ACSM1: variants seen among roughly 807,000 people sequenced by gnomAD.
The protein encoded by ACSM1 is acyl-coenzyme A synthetase ACSM1, mitochondrial.
ACSM1 carries 79 observed loss-of-function variants against 75.8 expected under a neutral mutation model. That is an observed-to-expected ratio of 1.04 (90% CI 0.87 to 1.26). The LOEUF (loss-of-function observed/expected upper bound fraction) is 1.26, where lower values mean the gene tolerates loss of function less well. Ranked by LOEUF, ACSM1 falls within the 50% of genes most tolerant of loss-of-function variation. ACSM1 has a pLI of 0.00. For synonymous variants in ACSM1, 279 were observed against 265.8 expected (o/e 1.05, Z -0.48); for missense variants, 676 against 720.1 (o/e 0.94, Z 0.70).
intron 5 of ACSM1, among the ~76,000 whole-genome samples, chr16:20,671,283 TA>T (rs1323683451): frequency 6.6e-6 from 1 of 152,134 alleles, no homozygotes; most frequent in Non-Finnish European, 1.5e-5. Context: ...GATGCTCTGG[TA>T]AAACCTAAAT....
chr16:20,673,207 C>G (rs1050425769), intron 4 of ACSM1, among the ~76,000 whole-genome samples: 3 of 151,534 alleles, frequency 2.0e-5, no homozygotes, highest in African/African-American at 7.3e-5. Context: ...CCCTCAGTCT[C>G]TCTTGTTTCT....
chr16:20,689,973 T>C (rs1165383199), intron 2 of ACSM1, among the ~76,000 whole-genome samples: 1 of 152,184 alleles, frequency 6.6e-6, no homozygotes, highest in African/African-American at 2.4e-5. Context: ...ATTAAGGAAA[T>C]AGAGACAATA....
At chr16:20,675,339 G>T (rs935331174) in intron 4 of ACSM1, among the ~76,000 whole-genome samples, 2 of 152,164 alleles carry the variant, frequency 1.3e-5, no homozygotes, top group Admixed American at 6.5e-5. Context: ...ATCCCTTAGC[G>T]CAGGCTGTGT....
rs530318703 is a variant in ACSM1 at position 20,650,612 on chromosome 16, A to C, written c.993-10028T>G. Among the ~76,000 whole-genome samples, 19 of 151,914 alleles carry C rather than the reference A, an allele frequency of 1.3e-4. No individual in the cohort carries two copies. In the East Asian group the frequency reaches 3.5e-3, roughly 28 times the overall value. ...CGGTGGAGTCCTGCCCACAAGCAGC[A>C]TGCACTGATCCACCACACAAAAGCC... On this transcript the variant is annotated intron_variant, in intron 7 of 13. Transcript: ENST00000520010.
At chr16:20,637,119 C>G (rs575019941) in intron 9 of ACSM1, 2 of 759,366 alleles carry the variant, frequency 2.6e-6, no homozygotes, top group African/African-American at 3.4e-5. Context: ...AGAGAGGGCT[C>G]CCAGTGCAGC....
At chr16:20,644,956 C>T (rs1392830713) in intron 7 of ACSM1, among the ~76,000 whole-genome samples, 1 of 152,178 alleles carries the variant, frequency 6.6e-6, no homozygotes, top group Admixed American at 6.5e-5. Context: ...ATTACTCTAT[C>T]TCAATCCTGA....
chr16:20,642,627 G>A lies in ACSM1; in HGVS notation c.993-2043C>T, dbSNP rs563272884. ...CCAATTTCTACCCAGCTTATCCCCC[G>A]TGCAATACAATCTCCAAGCCTTGAC... On this transcript the variant is annotated intron_variant, in intron 7 of 13. Transcript: ENST00000520010. Among the ~76,000 whole-genome samples the A allele has an allele frequency of 3.2e-4, 48 of 152,242 alleles. 1 individual carries two copies. In the South Asian group the frequency reaches 3.5e-3, roughly 11 times the overall value.
chr16:20,690,960 C>A (rs766574735), intron 2 of ACSM1, 37 bp downstream of exon 2: 3 of 1,588,814 alleles, frequency 1.9e-6, no homozygotes, highest in African/African-American at 1.4e-5. Flanking sequence ...GTGAGGCCAC[C>A]CTTGTTCTTA....
intron 7 of ACSM1, among the ~76,000 whole-genome samples, chr16:20,658,419 T>C (rs2019101349): frequency 6.6e-6 from 1 of 152,210 alleles, no homozygotes; most frequent in Non-Finnish European, 1.5e-5. Context: ...TTGAGAAGTG[T>C]CTGTTCATAT....
intron 7 of ACSM1, among the ~76,000 whole-genome samples, chr16:20,652,794 A>G (rs2018720574): frequency 6.6e-6 from 1 of 152,194 alleles, no homozygotes; most frequent in African/African-American, 2.4e-5. Flanking sequence ...CCAGGACCAG[A>G]TAGATTCACA....
At chr16:20,690,517 A>G (rs2079633792) in intron 2 of ACSM1, among the ~76,000 whole-genome samples, 1 of 152,194 alleles carries the variant, frequency 6.6e-6, no homozygotes, top group South Asian at 2.1e-4. Context: ...TCATGGGAAG[A>G]TGGATGGCCT....
At chr16:20,660,663 T>C (rs1237425243) in intron 7 of ACSM1, among the ~76,000 whole-genome samples, 1 of 152,164 alleles carries the variant, frequency 6.6e-6, no homozygotes, top group Non-Finnish European at 1.5e-5. Flanking sequence ...TAAAATCAAA[T>C]TATAATTCAG....
intron 9 of ACSM1, 62 bp downstream of exon 9, chr16:20,637,309 G>T: frequency 7.3e-7 from 1 of 1,362,570 alleles, no homozygotes; most frequent in Non-Finnish European, 1.1e-6. Flanking sequence ...GTCACCTGGT[G>T]TCAAATTGTC....
chr16:20,668,370 A>C (rs2019693384), intron 6 of ACSM1, among the ~76,000 whole-genome samples: 1 of 152,182 alleles, frequency 6.6e-6, no homozygotes, highest in Non-Finnish European at 1.5e-5. Flanking sequence ...ATAGCAGCGG[A>C]AGAATTAGGC....
At chr16:20,686,978 A>G (rs987449217) in intron 2 of ACSM1, among the ~76,000 whole-genome samples, 3 of 135,984 alleles carry the variant, frequency 2.2e-5, no homozygotes, top group African/African-American at 5.5e-5. Context: ...AAATTTTGTG[A>G]TTTTTTTTTT....
Position 20,672,121 on chromosome 16 carries a change from A to G in ACSM1, c.612-450T>C, listed in dbSNP as rs1490943107. On this transcript the variant is annotated intron_variant, in intron 4 of 13. Coordinates refer to ENST00000520010, the MANE Select transcript of ACSM1 (RefSeq NM_001318890.3). ...AACTGAGACTCAGAGAGGTTAGGTAATTTGCTTGGTAATATACAGCTAGCA... is the reference window on the plus strand; with the variant it reads ...AACTGAGACTCAGAGAGGTTAGGTAGTTTGCTTGGTAATATACAGCTAGCA... Among the ~76,000 whole-genome samples, 3 of 152,048 alleles carry G rather than the reference A, an allele frequency of 2.0e-5. No individual in the cohort carries two copies. In the East Asian group the frequency reaches 5.8e-4, roughly 30 times the overall value.
intron 4 of ACSM1, among the ~76,000 whole-genome samples, chr16:20,671,991 T>C (rs770508550): frequency 3.3e-5 from 5 of 152,198 alleles, no homozygotes; most frequent in Non-Finnish European, 5.9e-5. Flanking sequence ...ACTTGCTATG[T>C]TCCAGGCAAT....
intron 4 of ACSM1, among the ~76,000 whole-genome samples, chr16:20,673,484 G>T (rs1374495486): frequency 6.6e-6 from 1 of 152,172 alleles, no homozygotes; most frequent in Non-Finnish European, 1.5e-5. Flanking sequence ...TTGAAATAAA[G>T]AGCTTTAAAA....
chr16:20,685,128 T>G, intron 3 of ACSM1, 65 bp downstream of exon 3: 1 of 1,558,058 alleles, frequency 6.4e-7, no homozygotes, highest in African/African-American at 1.4e-5. Context: ...CAGCACCTAA[T>G]ATCTCAGGAC....
Sources: gnomAD v4.1 joint callset for allele counts (sites outside exome capture counted in the v4.1 genomes callset) on GRCh38, gnomAD v4.1.1 for gene constraint, MANE v1.5 for transcripts, NCBI Gene and HGNC (gene_info 2026-07-23, HGNC 2026-07-21) for gene names.